The following GEMIN5 variants were observed in gnomAD, a reference collection of about 807,000 sequenced individuals.
The protein encoded by GEMIN5 is gem-associated protein 5.
A neutral mutation model predicts 176.9 loss-of-function variants in GEMIN5; 124 were observed. That is an observed-to-expected ratio of 0.70 (90% CI 0.61 to 0.81). The LOEUF is 0.81. Among genes scored for constraint, GEMIN5 ranks in the 40% least tolerant of loss-of-function variants. The pLI is 0.00. For missense variants in GEMIN5, 1,843 were observed against 1,814.6 expected (o/e 1.02, Z -0.28); for synonymous variants, 673 against 665.2 (o/e 1.01, Z -0.18).
intron 3 of GEMIN5, 108 bp from the exon 4 acceptor site, chr5:154,932,358 G>T: frequency 1.3e-6 from 1 of 766,558 alleles, no homozygotes; most frequent in Non-Finnish European, 2.1e-6. Context: ...AAAGTTAGGT[G>T]CATTTGGGGT....
rs552624344 is a variant in GEMIN5 at position 154,889,271 on chromosome 5, T to G, written c.4359+50A>C. On this transcript the variant is annotated intron_variant, in intron 27 of 27. Coordinates refer to ENST00000285873, the MANE Select transcript of GEMIN5 (RefSeq NM_015465.5). ...TTTATAAGAATGTGGTATAGTCAAG[T>G]GATAACACAAAAAGTGATGCTTTAC... 4 of 933,914 alleles carry G rather than the reference T, an allele frequency of 4.3e-6. No individual in the cohort carries two copies. In the South Asian group the frequency reaches 5.3e-5, roughly 12 times the overall value. 57.9% of individuals were successfully genotyped at this position (933,914 alleles called of 1,614,324 possible). A position where few individuals can be genotyped will look rare whatever the true frequency, so the allele number is the denominator to read the frequency against.
At position 154,901,332 on chromosome 5, in the gene GEMIN5, C is replaced by A. The variant is rs746870507; in HGVS notation, c.3014+7G>T. Reference sequence around the variant, plus strand: ...AAGTATTATCCCAACTCTAGGACCACACAGACCTGTAAAAATGGTTTGACT... The same window carrying A: ...AAGTATTATCCCAACTCTAGGACCAAACAGACCTGTAAAAATGGTTTGACT... On this transcript the variant is annotated splice_region_variant and intron_variant, in intron 21 of 27. Transcript: ENST00000285873. The A allele has an allele frequency of 4.3e-6, 7 of 1,613,318 alleles. No individual in the cohort carries two copies. Among genetic ancestry groups the A allele is most frequent in the Non-Finnish European group, 5.1e-6 (6 of 1,179,304 alleles).
chr5:154,935,936 C>T lies in GEMIN5; in HGVS notation c.414G>A (p.Trp138Ter), dbSNP rs775772940. 3 of 1,608,460 alleles carry T rather than the reference C, an allele frequency of 1.9e-6. No homozygotes were observed. The highest frequency in any genetic ancestry group is 2.6e-6 in the Non-Finnish European group (3 of 1,174,942). The change falls in exon 3 of 28, where the codon TGG becomes TGA. Residue 138 changes from tryptophan (W) to a stop codon, truncating the protein, a stop_gained. Transcript: ENST00000285873. LOFTEE classifies it high-confidence loss of function. ...GGTGCTGGCTGTCATTTCTGTTAAA[C>T]CAGTAACAGAAAACTACTCCTTTTT... ...GDEKGVVFCY[W>*]FNRNDSQHLF...
chr5:154,922,102 A>C (rs1336042481), intron 9 of GEMIN5, among the ~76,000 whole-genome samples: 5 of 152,274 alleles, frequency 3.3e-5, no homozygotes, highest in African/African-American at 1.2e-4. Context: ...CTAGAGAATA[A>C]ATCAAAATTT....
Position 154,925,061 on chromosome 5 carries a change from G to T in GEMIN5, c.1294-507C>A, listed in dbSNP as rs982860043. Among the ~76,000 whole-genome samples the T allele has an allele frequency of 3.9e-5, 6 of 152,072 alleles. No homozygotes were observed. The East Asian group carries it at 1.2e-3, about 29-fold the overall frequency. ...TCTGTAATCTTTCATTCAAAAAACC[G>T]ACTGCAGATGTTGTATCTCTCTTTC... On this transcript the variant is annotated intron_variant, in intron 8 of 27. Transcript: ENST00000285873.
chr5:154,933,689 T>A (rs991404450), intron 3 of GEMIN5, among the ~76,000 whole-genome samples: 2 of 152,190 alleles, frequency 1.3e-5, no homozygotes, highest in African/African-American at 2.4e-5. Flanking sequence ...TATTTATTTT[T>A]TTTTTTTAAA....
At chr5:154,914,743 C>G (rs1274129076) in intron 13 of GEMIN5, among the ~76,000 whole-genome samples, 2 of 151,894 alleles carry the variant, frequency 1.3e-5, no homozygotes, top group Non-Finnish European at 2.9e-5. Context: ...CCACACGTAG[C>G]CTAAACTATT....
chr5:154,887,426 T>G lies in GEMIN5; in HGVS notation c.*784A>C, dbSNP rs991730728. On this transcript the variant is annotated 3_prime_UTR_variant, in exon 28 of 28. Coordinates refer to ENST00000285873, the MANE Select transcript of GEMIN5 (RefSeq NM_015465.5). The stretch of plus-strand genomic sequence containing the variant: ...GGAATATGCATTTTTCTCCAAAGAG[T>G]ATCTTTGGCTTTAATCTGATTCTCA... 1.6e-4 allele frequency: 25 copies of G among 152,178 alleles called. No individual in the cohort carries two copies. Among genetic ancestry groups the G allele is most frequent in the African/African-American group, 5.8e-4 (24 of 41,458 alleles). 9.4% of individuals were successfully genotyped at this position (152,178 alleles called of 1,614,324 possible).
At chr5:154,905,892 T>C (rs1188877495) in intron 16 of GEMIN5, among the ~76,000 whole-genome samples, 3 of 152,162 alleles carry the variant, frequency 2.0e-5, no homozygotes, top group African/African-American at 7.2e-5. Flanking sequence ...GGTTTCGCCA[T>C]GTTGGCCAGG....
rs183416103 is a variant in GEMIN5, at chr5:154,931,579, T to C, written c.662-2A>G. 3 of 1,592,668 alleles carry C rather than the reference T, an allele frequency of 1.9e-6. No individual in the cohort carries two copies. In the Admixed American group the frequency reaches 5.2e-5, roughly 28 times the overall value. On this transcript the variant is annotated splice_acceptor_variant, in intron 4 of 27. Transcript: ENST00000285873. LOFTEE classifies it high-confidence loss of function. Reference sequence around the variant, plus strand: ...TCCCGTTGGTAATTTCAGCTTCTTCTATGAGATAGGTGGCAATTTTGTTTT... The same window carrying C: ...TCCCGTTGGTAATTTCAGCTTCTTCCATGAGATAGGTGGCAATTTTGTTTT...
At chr5:154,906,895 C>T (rs1422541780) in intron 16 of GEMIN5, among the ~76,000 whole-genome samples, 1 of 152,194 alleles carries the variant, frequency 6.6e-6, no homozygotes, top group Non-Finnish European at 1.5e-5. Flanking sequence ...CTTCTACTTA[C>T]ACTGTTTGCT....
intron 3 of GEMIN5, among the ~76,000 whole-genome samples, chr5:154,934,520 C>T (rs1476798875): frequency 1.3e-5 from 2 of 152,110 alleles, no homozygotes; most frequent in Non-Finnish European, 2.9e-5. Context: ...CCATGTTGGC[C>T]GGGCTGGTCT....
At chr5:154,895,862 TCAAA>T (rs1270566447) in intron 24 of GEMIN5, among the ~76,000 whole-genome samples, 2 of 152,064 alleles carry the variant, frequency 1.3e-5, no homozygotes, top group Non-Finnish European at 2.9e-5. Context: ...CACTCCAGCT[TCAAA>T]CAACTAAAAA....
rs1326789021 is a variant in GEMIN5, at chr5:154,932,295, AAC to A, written c.510-47_510-46del. 4 of 1,423,096 alleles carry A rather than the reference AAC, an allele frequency of 2.8e-6. No individual in the cohort carries two copies. The African/African-American group carries it at 5.7e-5, about 20-fold the overall frequency. 88.2% of individuals were successfully genotyped at this position (1,423,096 alleles called of 1,614,324 possible). A position where few individuals can be genotyped will look rare whatever the true frequency, so the allele number is the denominator to read the frequency against. ...AATATTACTAAAAAAATGAAGACAG[AAC>A]AGAGTCTCTAGTAAACATTTTGGCT... On this transcript the variant is annotated intron_variant, in intron 3 of 27. Transcript: ENST00000285873.
At chr5:154,920,931 ACT>A (rs912385456) in intron 10 of GEMIN5, among the ~76,000 whole-genome samples, 1 of 152,190 alleles carries the variant, frequency 6.6e-6, no homozygotes, top group African/African-American at 2.4e-5. Context: ...CATTTCAGAA[ACT>A]CTAAGTTTGC....
Position 154,917,976 on chromosome 5 carries a change from C to T in GEMIN5, c.1628G>A (p.Ser543Asn), listed in dbSNP as rs760712735. 10 of 1,612,164 alleles carry T rather than the reference C, an allele frequency of 6.2e-6. No individual in the cohort carries two copies. In the South Asian group the frequency reaches 8.8e-5, roughly 14 times the overall value. The change falls in exon 12 of 28, where the codon AGT (serine) becomes AAT (asparagine). Residue 543 changes from serine to asparagine, a missense_variant. Transcript: ENST00000285873. ...KYKLPVHTEI[S>N]WKADGKIMAL... is the part of the protein sequence containing the mutation. ...CATGATTTTGCCATCTGCTTTCCAACTTATCTCTGTGTGTACAGGCAATTT... is the reference window on the plus strand; with the variant it reads ...CATGATTTTGCCATCTGCTTTCCAATTTATCTCTGTGTGTACAGGCAATTT...
chr5:154,933,919 G>T (rs1009530847), intron 3 of GEMIN5, among the ~76,000 whole-genome samples: 6 of 151,976 alleles, frequency 3.9e-5, no homozygotes, highest in African/African-American at 1.2e-4. Context: ...AGAGACTGCC[G>T]ATCCAGTCCC....
intron 15 of GEMIN5, among the ~76,000 whole-genome samples, chr5:154,908,247 C>G (rs980817937): frequency 7.8e-6 from 1 of 128,722 alleles, no homozygotes; most frequent in Non-Finnish European, 1.5e-5. Context: ...ATGGCGAGAT[C>G]TCAGCTCACC....
chr5:154,890,611 A>G (rs915045906), intron 26 of GEMIN5, among the ~76,000 whole-genome samples: 19 of 152,060 alleles, frequency 1.2e-4, no homozygotes, highest in African/African-American at 4.6e-4. Flanking sequence ...CTACAAGTGC[A>G]TGCCACCACT....
Sources: gnomAD v4.1 joint callset for allele counts (sites outside exome capture counted in the v4.1 genomes callset) on GRCh38, gnomAD v4.1.1 for gene constraint, MANE v1.5 for transcripts, NCBI Gene and HGNC (gene_info 2026-07-23, HGNC 2026-07-21) for gene names.